Variants in SLC41A3 observed in about 807,000 individuals in gnomAD.
SLC41A3 encodes SLC41A1-like 2.
SLC41A3 carries 44 observed loss-of-function variants against 45.4 expected under a neutral mutation model. That is an observed-to-expected ratio of 0.97 (90% CI 0.76 to 1.25). SLC41A3 has a LOEUF of 1.25. Among genes scored for constraint, SLC41A3 ranks in the 50% most tolerant of loss-of-function variants. SLC41A3 has a pLI of 0.00. For missense variants in SLC41A3, 550 were observed against 600.6 expected (o/e 0.92, Z 0.88); for synonymous variants, 256 against 252.4 (o/e 1.01, Z -0.13).
upstream of SLC41A3, among the ~76,000 whole-genome samples, chr3:126,086,498 CTGTGTGTGTGTGTGTGTGTGTGTG>C (rs57609698): frequency 1.5e-5 from 2 of 133,196 alleles, no homozygotes; most frequent in East Asian, 2.3e-4. Flanking sequence ...GCTATAGGAT[CTGTGTGTGTGTGTGTGTGTGTGTG>C]TGTGTGTGTG....
upstream of SLC41A3, among the ~76,000 whole-genome samples, chr3:126,087,794 T>A (rs1035848159): frequency 1.9e-4 from 17 of 90,898 alleles, no homozygotes; most frequent in African/African-American, 8.7e-4. Context: ...GGAATTTGTT[T>A]AAAAAAAAAA....
chr3:126,050,758 G>A, intron 3 of SLC41A3, 185 bp downstream of exon 3: 1 of 1,079,504 alleles, frequency 9.3e-7, no homozygotes, highest in South Asian at 2.4e-5. Context: ...ATCCAGTTTG[G>A]TAGTGGAAAG....
At chr3:126,095,470 A>C in intron 1 of SLC41A3, 1 of 455,928 alleles carries the variant, frequency 2.2e-6, no homozygotes, top group South Asian at 2.9e-5. Context: ...GATAGTGATG[A>C]TCACCATTGC....
At chr3:126,016,670 G>A in intron 7 of SLC41A3, 61 bp downstream of exon 7, 2 of 1,556,130 alleles carry the variant, frequency 1.3e-6, no homozygotes, top group Non-Finnish European at 1.7e-6. Flanking sequence ...TGTCACCCTG[G>A]TTCTAGGGGC....
At chr3:126,023,085 T>C (rs1190558417) in intron 5 of SLC41A3, 153 bp from the exon 6 acceptor site, 2 of 1,026,300 alleles carry the variant, frequency 1.9e-6, no homozygotes, top group East Asian at 2.5e-5. Flanking sequence ...CACAAAGTCC[T>C]TGACGTGAAG....
chr3:126,009,598 C>T (rs1939486705), intron 9 of SLC41A3, among the ~76,000 whole-genome samples: 1 of 152,140 alleles, frequency 6.6e-6, no homozygotes, highest in African/African-American at 2.4e-5. Flanking sequence ...AGTAGGTCTC[C>T]ATTTGCCTCT....
intron 5 of SLC41A3, chr3:126,025,445 C>G (rs866312135): frequency 2.0e-5 from 3 of 152,234 alleles, no homozygotes; most frequent in Middle Eastern, 3.4e-3. Flanking sequence ...ACAAGACAAT[C>G]TGAGCTACAC....
chr3:126,072,375 A>T (rs1346770672), intron 1 of SLC41A3, among the ~76,000 whole-genome samples: 5 of 150,598 alleles, frequency 3.3e-5, no homozygotes, highest in Non-Finnish European at 5.9e-5. Context: ...AAAAAAATAA[A>T]AAAAAAAAAA....
intron 2 of SLC41A3, 124 bp downstream of exon 2, chr3:126,067,823 A>AT (rs1015985463): frequency 2.5e-5 from 32 of 1,300,332 alleles, no homozygotes; most frequent in Non-Finnish European, 3.1e-5. Flanking sequence ...TATATAGAAA[A>AT]AAAAAATGGC....
intron 1 of SLC41A3, among the ~76,000 whole-genome samples, chr3:126,073,489 A>G (rs1390111727): frequency 6.6e-6 from 1 of 152,140 alleles, no homozygotes; most frequent in East Asian, 1.9e-4. Flanking sequence ...ATTAGGTACT[A>G]TGTTTATTAC....
chr3:126,068,074 G>A lies in SLC41A3; in HGVS notation c.146C>T (p.Thr49Ile), dbSNP rs767235186. The change falls in exon 2 of 11, where the codon ACC (threonine) becomes ATC (isoleucine). Residue 49 changes from threonine to isoleucine, a missense_variant. By Grantham distance (89) the Thr-to-Ile change is moderately conservative. Coordinates refer to ENST00000360370, the MANE Select transcript of SLC41A3 (RefSeq NM_017836.4). ...ALRAPESQSV[T>I]PKPLETEPSR... Reference sequence around the variant, plus strand: ...AGGCTCAGTCTCCAGTGGCTTGGGGGTCACGCTTTGGCTCTCAGGGGCCCT... The same window carrying A: ...AGGCTCAGTCTCCAGTGGCTTGGGGATCACGCTTTGGCTCTCAGGGGCCCT... 6 of 1,613,684 alleles carry A rather than the reference G, an allele frequency of 3.7e-6. No individual in the cohort carries two copies. The highest frequency in any genetic ancestry group is 5.1e-6 in the Non-Finnish European group (6 of 1,179,954).
chr3:126,053,040 G>C (rs1316451713), intron 2 of SLC41A3, among the ~76,000 whole-genome samples: 1 of 152,200 alleles, frequency 6.6e-6, no homozygotes, highest in Non-Finnish European at 1.5e-5. Flanking sequence ...TGAGACCTGA[G>C]AAGTCCTGTC....
upstream of SLC41A3, among the ~76,000 whole-genome samples, chr3:126,087,005 TA>T (rs981575582): frequency 2.2e-4 from 33 of 152,138 alleles, no homozygotes; most frequent in African/African-American, 6.3e-4. Flanking sequence ...AAATCATTGG[TA>T]AAAAAAATTA....
chr3:126,096,645 CT>C (rs1945609414), intron 1 of SLC41A3, among the ~76,000 whole-genome samples: 1 of 152,292 alleles, frequency 6.6e-6, no homozygotes, highest in Non-Finnish European at 1.5e-5. Flanking sequence ...AGACCCACCC[CT>C]TTATTCTGGC....
intron 2 of SLC41A3, among the ~76,000 whole-genome samples, chr3:126,065,405 C>A (rs757526048): frequency 7.2e-5 from 11 of 152,240 alleles, no homozygotes; most frequent in Admixed American, 2.6e-4. Flanking sequence ...TGAATATAAG[C>A]ACTTTAATGA....
At chr3:126,014,589 G>A (rs1306702201) in intron 8 of SLC41A3, among the ~76,000 whole-genome samples, 1 of 152,244 alleles carries the variant, frequency 6.6e-6, no homozygotes, top group Non-Finnish European at 1.5e-5. Flanking sequence ...ACAATGTGAA[G>A]GCACTTTGGC....
chr3:126,030,740 T>C (rs1165197946), intron 4 of SLC41A3, among the ~76,000 whole-genome samples: 4 of 152,268 alleles, frequency 2.6e-5, no homozygotes, highest in Middle Eastern at 3.4e-3. Flanking sequence ...GCTGGGTTGA[T>C]GGATGGATGG....
intron 2 of SLC41A3, among the ~76,000 whole-genome samples, chr3:126,066,099 T>C (rs542170900): frequency 6.6e-6 from 1 of 152,230 alleles, no homozygotes; most frequent in Non-Finnish European, 1.5e-5. Flanking sequence ...GCTGCTTCTA[T>C]GACTAGTTTA....
chr3:126,031,712 T>C (rs1284609462), intron 4 of SLC41A3, among the ~76,000 whole-genome samples: 4 of 152,202 alleles, frequency 2.6e-5, no homozygotes, highest in African/African-American at 4.8e-5. Flanking sequence ...TAAACATATG[T>C]TGAGAATCAA....
Sources: gnomAD v4.1 joint callset for allele counts (sites outside exome capture counted in the v4.1 genomes callset) on GRCh38, gnomAD v4.1.1 for gene constraint, MANE v1.5 for transcripts, NCBI Gene and HGNC (gene_info 2026-07-23, HGNC 2026-07-21) for gene names.